Variants in XYLT1 observed in about 807,000 individuals in gnomAD.
XYLT1 encodes beta-D-xylosyltransferase 1.
XYLT1 carries 36 observed loss-of-function variants against 91.3 expected under a neutral mutation model. The observed-to-expected ratio is 0.39, with a 90% CI of 0.30 to 0.52. XYLT1 has a LOEUF of 0.52. Among genes scored for constraint, XYLT1 ranks in the 20% least tolerant of loss-of-function variants. The pLI, the probability that XYLT1 is intolerant of heterozygous loss-of-function variation, is 0.68. For missense variants in XYLT1, 1,242 were observed against 1,284.5 expected, an observed-to-expected ratio of 0.97 and a Z score of 0.51; for synonymous variants, 588 against 532.0, an observed-to-expected ratio of 1.11 and a Z score of -1.45.
At chr16:17,200,715 T>A in intron 3 of XYLT1, 61 bp from the exon 4 acceptor site, 2 of 1,577,080 alleles carry the variant, frequency 1.3e-6, no homozygotes, top group Non-Finnish European at 1.7e-6. Context: ...TTTGCAGGGG[T>A]GGGAAGTTTC....
At chr16:17,360,153 C>T (rs1020169477) in intron 1 of XYLT1, among the ~76,000 whole-genome samples, 18 of 152,210 alleles carry the variant, frequency 1.2e-4, no homozygotes, top group African/African-American at 4.3e-4. Flanking sequence ...CAAGTGCTAG[C>T]AAAGCACCAG....
intron 1 of XYLT1, among the ~76,000 whole-genome samples, chr16:17,406,876 T>C (rs1390914251): frequency 1.3e-5 from 2 of 152,196 alleles, no homozygotes; most frequent in African/African-American, 4.8e-5. Flanking sequence ...AGGCCCTGGG[T>C]TGGGTGTGGT....
chr16:17,349,533 T>C (rs1402063413), intron 2 of XYLT1, among the ~76,000 whole-genome samples: 2 of 151,964 alleles, frequency 1.3e-5, no homozygotes, highest in African/African-American at 4.8e-5. Flanking sequence ...AAAATGGGGT[T>C]AAGGTTAGTA....
intron 5 of XYLT1, among the ~76,000 whole-genome samples, chr16:17,160,520 C>G (rs571508427): frequency 1.4e-4 from 21 of 152,308 alleles, no homozygotes; most frequent in South Asian, 4.1e-4. Context: ...TGCTCGTGTC[C>G]CATCCTATTA....
chr16:17,202,919 T>C (rs867055152), intron 3 of XYLT1, among the ~76,000 whole-genome samples: 46 of 152,196 alleles, frequency 3.0e-4, no homozygotes, highest in African/African-American at 1.0e-3. Context: ...AAAATAACAA[T>C]ACCTTTTATT....
intron 1 of XYLT1, among the ~76,000 whole-genome samples, chr16:17,464,639 C>T (rs931738119): frequency 6.6e-6 from 1 of 151,982 alleles, no homozygotes; most frequent in African/African-American, 2.4e-5. Flanking sequence ...TCACATGTAC[C>T]CCAAAATATG....
At chr16:17,444,914 C>A (rs1355027047) in intron 1 of XYLT1, among the ~76,000 whole-genome samples, 1 of 152,192 alleles carries the variant, frequency 6.6e-6, no homozygotes, top group Non-Finnish European at 1.5e-5. Context: ...TCCCTAGAAC[C>A]TAGCTATGGC....
intron 5 of XYLT1, among the ~76,000 whole-genome samples, chr16:17,189,395 CCAAA>C (rs1159232737): frequency 2.0e-5 from 3 of 152,170 alleles, no homozygotes; most frequent in African/African-American, 7.2e-5. Context: ...CCCCCCATGG[CCAAA>C]CAGTCACCAG....
intron 6 of XYLT1, among the ~76,000 whole-genome samples, chr16:17,148,761 T>C (rs769103588): frequency 2.6e-5 from 4 of 152,186 alleles, no homozygotes; most frequent in Non-Finnish European, 4.4e-5. Flanking sequence ...TGATTCACCA[T>C]AGTCCCACCA....
chr16:17,155,838 C>A (rs7186292), intron 6 of XYLT1, among the ~76,000 whole-genome samples: 1 of 151,914 alleles, frequency 6.6e-6, no homozygotes, highest in Non-Finnish European at 1.5e-5. Context: ...TTATGTTGTC[C>A]CAAGACATCT....
intron 2 of XYLT1, among the ~76,000 whole-genome samples, chr16:17,307,171 C>G (rs974506120): frequency 6.6e-6 from 1 of 152,132 alleles, no homozygotes; most frequent in Non-Finnish European, 1.5e-5. Context: ...CTCCGCCTCC[C>G]GGGTTCAAGC....
intron 2 of XYLT1, among the ~76,000 whole-genome samples, chr16:17,305,116 G>C (rs558676462): frequency 1.3e-5 from 2 of 152,224 alleles, no homozygotes; most frequent in Non-Finnish European, 2.9e-5. Context: ...TTGTACAAAG[G>C]AGGCGACAGA....
At chr16:17,275,331 G>A (rs1444278181) in intron 2 of XYLT1, among the ~76,000 whole-genome samples, 1 of 152,150 alleles carries the variant, frequency 6.6e-6, no homozygotes, top group Admixed American at 6.5e-5. Flanking sequence ...AACTTACATT[G>A]TTACTCCTGT....
intron 2 of XYLT1, among the ~76,000 whole-genome samples, chr16:17,266,833 C>A (rs2141767886): frequency 6.6e-6 from 1 of 152,342 alleles, no homozygotes; most frequent in African/African-American, 2.4e-5. Flanking sequence ...CCTGCACCTG[C>A]TTCCAAAAGG....
intron 1 of XYLT1, among the ~76,000 whole-genome samples, chr16:17,451,277 CCTT>C (rs1215744739): frequency 6.6e-6 from 1 of 152,202 alleles, no homozygotes; most frequent in East Asian, 1.9e-4. Flanking sequence ...TTGTTCCTGT[CCTT>C]CTTCCCAAAT....
chr16:17,291,307 T>C, intron 2 of XYLT1, among the ~76,000 whole-genome samples: 1 of 152,224 alleles, frequency 6.6e-6, no homozygotes, highest in East Asian at 1.9e-4. Context: ...CTGGCCTAAT[T>C]GTCTCATTTT....
chr16:17,429,850 G>A (rs925410358), intron 1 of XYLT1, among the ~76,000 whole-genome samples: 1 of 151,880 alleles, frequency 6.6e-6, no homozygotes, highest in Non-Finnish European at 1.5e-5. Flanking sequence ...TTCATGACCA[G>A]CTTTCCTGGG....
chr16:17,251,828 G>A (rs2033543993), intron 3 of XYLT1, among the ~76,000 whole-genome samples: 1 of 152,166 alleles, frequency 6.6e-6, no homozygotes, highest in African/African-American at 2.4e-5. Flanking sequence ...AGGGCTTCTG[G>A]GGAAGAGGTG....
chr16:17,322,321 T>C (rs2034736346), intron 2 of XYLT1, among the ~76,000 whole-genome samples: 1 of 152,208 alleles, frequency 6.6e-6, no homozygotes, highest in African/African-American at 2.4e-5. Flanking sequence ...TACCAGGCAG[T>C]GCTCTGAAGA....
Sources: gnomAD v4.1 joint callset for allele counts (sites outside exome capture counted in the v4.1 genomes callset) on GRCh38, gnomAD v4.1.1 for gene constraint, MANE v1.5 for transcripts, NCBI Gene and HGNC (gene_info 2026-07-23, HGNC 2026-07-21) for gene names.